MMP16: variants seen among roughly 807,000 people sequenced by gnomAD.
MMP16 encodes matrix metalloproteinase-16.
MMP16 carries 12 observed loss-of-function variants against 67.8 expected under a neutral mutation model. The observed-to-expected ratio is 0.18, with a 90% CI of 0.11 to 0.29. The LOEUF (loss-of-function observed/expected upper bound fraction) is 0.29, where lower values mean the gene tolerates loss of function less well. MMP16 is among the 10% of genes least tolerant of loss of function. MMP16 has a pLI of 1.00. For synonymous variants in MMP16, 249 were observed against 255.9 expected (o/e 0.97, Z 0.26); for missense variants, 475 against 765.7 (o/e 0.62, Z 4.48).
intron 4 of MMP16, among the ~76,000 whole-genome samples, chr8:88,140,454 G>A (rs1254839958): frequency 2.6e-5 from 4 of 152,106 alleles, no homozygotes; most frequent in Non-Finnish European, 5.9e-5. Context: ...TTCATTGGGA[G>A]ATGAATTAGA....
intron 6 of MMP16, among the ~76,000 whole-genome samples, chr8:88,111,213 T>A (rs922694408): frequency 6.6e-6 from 1 of 151,596 alleles, no homozygotes; most frequent in African/African-American, 2.4e-5. Context: ...AAGAGAAAAA[T>A]CCATCCCACT....
chr8:88,184,571 A>G (rs1809037272), intron 3 of MMP16, among the ~76,000 whole-genome samples: 1 of 137,210 alleles, frequency 7.3e-6, no homozygotes, highest in African/African-American at 2.8e-5. Context: ...CTGAAAAAAA[A>G]AAAAAAAAAA....
intron 1 of MMP16, among the ~76,000 whole-genome samples, chr8:88,290,070 G>A (rs978226522): frequency 6.6e-6 from 1 of 151,924 alleles, no homozygotes; most frequent in African/African-American, 2.4e-5. Context: ...TAAATGACCA[G>A]GAAAATGCCA....
chr8:88,198,010 G>A (rs369604816), intron 1 of MMP16, among the ~76,000 whole-genome samples: 1 of 152,136 alleles, frequency 6.6e-6, no homozygotes. Flanking sequence ...CTCTTTAAGG[G>A]TCTCATGATT....
intron 4 of MMP16, among the ~76,000 whole-genome samples, chr8:88,125,321 G>C (rs1353170428): frequency 6.6e-6 from 1 of 151,646 alleles, no homozygotes; most frequent in Non-Finnish European, 1.5e-5. Context: ...GAGGTTTGCT[G>C]GGAATGTTAG....
chr8:88,305,494 C>T (rs1811198736), intron 1 of MMP16, among the ~76,000 whole-genome samples: 1 of 152,216 alleles, frequency 6.6e-6, no homozygotes, highest in Non-Finnish European at 1.5e-5. Context: ...ATATATTCTT[C>T]TCATTGCCAC....
At chr8:88,313,788 A>G (rs1307508614) in intron 1 of MMP16, among the ~76,000 whole-genome samples, 1 of 152,070 alleles carries the variant, frequency 6.6e-6, no homozygotes, top group Non-Finnish European at 1.5e-5. Context: ...GAGGCCTCAC[A>G]TTCACGGTGG....
intron 1 of MMP16, among the ~76,000 whole-genome samples, chr8:88,314,057 G>A (rs780993590): frequency 2.0e-5 from 3 of 152,110 alleles, no homozygotes; most frequent in Middle Eastern, 3.2e-3. Flanking sequence ...ATTAGGTAAC[G>A]TGCAGCTGTC....
intron 7 of MMP16, among the ~76,000 whole-genome samples, chr8:88,069,045 T>C (rs2616491): frequency 0.78 from 119,320 of 152,060 alleles, 47,078 homozygotes; most frequent in African/African-American, 0.87. Flanking sequence ...TATACTAGGC[T>C]CTTTGTATCT....
intron 4 of MMP16, among the ~76,000 whole-genome samples, chr8:88,140,300 G>A (rs959253808): frequency 6.6e-6 from 1 of 152,162 alleles, no homozygotes; most frequent in African/African-American, 2.4e-5. Context: ...AAATAAAAGA[G>A]TAAGAGAGTA....
intron 1 of MMP16, among the ~76,000 whole-genome samples, chr8:88,228,178 T>A (rs527822919): frequency 6.6e-6 from 1 of 152,108 alleles, no homozygotes; most frequent in Non-Finnish European, 1.5e-5. Context: ...GCTAATGGTA[T>A]AAATTGGCAA....
chr8:88,142,037 C>T (rs1410161247), intron 4 of MMP16, among the ~76,000 whole-genome samples: 4 of 151,968 alleles, frequency 2.6e-5, no homozygotes, highest in Non-Finnish European at 4.4e-5. Context: ...CCTGTCTCAG[C>T]CTCCCAAGTA....
intron 1 of MMP16, among the ~76,000 whole-genome samples, chr8:88,278,470 G>A (rs1810682847): frequency 6.6e-6 from 1 of 152,124 alleles, no homozygotes; most frequent in Non-Finnish European, 1.5e-5. Flanking sequence ...TAAGGCTGGG[G>A]TAAAACCAAA....
chr8:88,206,381 G>A (rs1327898537), intron 1 of MMP16, among the ~76,000 whole-genome samples: 1 of 152,158 alleles, frequency 6.6e-6, no homozygotes, highest in Admixed American at 6.5e-5. Context: ...TTTGTGTGGA[G>A]ATTGCATGTT....
At chr8:88,258,140 G>C (rs1351767798) in intron 1 of MMP16, among the ~76,000 whole-genome samples, 2 of 151,766 alleles carry the variant, frequency 1.3e-5, no homozygotes, top group East Asian at 3.9e-4. Context: ...CTGCCTCCCG[G>C]GTTCACGTCA....
chr8:88,151,330 C>G (rs940742542), intron 4 of MMP16, among the ~76,000 whole-genome samples: 1 of 149,474 alleles, frequency 6.7e-6, no homozygotes, highest in Non-Finnish European at 1.5e-5. Context: ...CAAGGATACC[C>G]AGGAATTGAA....
chr8:88,130,440 T>C (rs1220591490), intron 4 of MMP16, among the ~76,000 whole-genome samples: 1 of 151,726 alleles, frequency 6.6e-6, no homozygotes, highest in Admixed American at 6.6e-5. Context: ...AGAACTGAAA[T>C]AGCAAGATAA....
At chr8:88,254,935 T>C (rs1393037933) in intron 1 of MMP16, among the ~76,000 whole-genome samples, 1 of 152,334 alleles carries the variant, frequency 6.6e-6, no homozygotes, top group Non-Finnish European at 1.5e-5. Flanking sequence ...AAACTCCTTT[T>C]GGAGAATATA....
At chr8:88,059,377 TGTA>T (rs1335495454) in intron 7 of MMP16, among the ~76,000 whole-genome samples, 1 of 152,062 alleles carries the variant, frequency 6.6e-6, no homozygotes, top group Admixed American at 6.6e-5. Context: ...AAGAAAAAAG[TGTA>T]GTCATAAATG....
Sources: gnomAD v4.1 joint callset for allele counts (sites outside exome capture counted in the v4.1 genomes callset) on GRCh38, gnomAD v4.1.1 for gene constraint, MANE v1.5 for transcripts, NCBI Gene and HGNC (gene_info 2026-07-23, HGNC 2026-07-21) for gene names.